ANKRD27: variants seen among roughly 807,000 people sequenced by gnomAD.
The protein encoded by ANKRD27 is ankyrin repeat domain-containing protein 27.
Under a neutral mutation model 129.7 loss-of-function variants are expected in ANKRD27, and 112 were observed. The observed-to-expected ratio is 0.86, with a 90% CI of 0.74 to 1.01. The LOEUF (loss-of-function observed/expected upper bound fraction) is 1.01, where lower values mean the gene tolerates loss of function less well. Among genes scored for constraint, ANKRD27 ranks in the 50% least tolerant of loss-of-function variants. ANKRD27 has a pLI of 0.00. For missense variants in ANKRD27, 1,258 were observed against 1,300.5 expected (o/e 0.97, Z 0.50); for synonymous variants, 516 against 511.2 (o/e 1.01, Z -0.13).
chr19:32,644,783 T>C (rs1423049582), intron 4 of ANKRD27, among the ~76,000 whole-genome samples: 4 of 152,346 alleles, frequency 2.6e-5, no homozygotes, highest in Middle Eastern at 3.4e-3. Flanking sequence ...TGAAGACTTA[T>C]TATTTATTAA....
chr19:32,652,744 AG>A (rs1263754329), intron 2 of ANKRD27, among the ~76,000 whole-genome samples: 1 of 151,832 alleles, frequency 6.6e-6, no homozygotes, highest in Non-Finnish European at 1.5e-5. Context: ...CCTGGGCGAC[AG>A]GGCAAAACCC....
At chr19:32,628,280 C>G in intron 14 of ANKRD27, 115 bp from the exon 15 acceptor site, 1 of 805,556 alleles carries the variant, frequency 1.2e-6, no homozygotes, top group Non-Finnish European at 2.0e-6. Flanking sequence ...GGATGCCACC[C>G]AAGAGATGTG....
At position 32,598,353 on chromosome 19, in the gene ANKRD27, C is replaced by T; in HGVS notation, c.2945G>A (p.Arg982Lys). The change falls in exon 29 of 29, where the codon AGA (arginine) becomes AAA (lysine). Residue 982 changes from arginine (R) to lysine (K), a missense_variant. Arg to Lys is a conservative substitution (Grantham distance 26). Coordinates refer to ENST00000306065, the MANE Select transcript of ANKRD27 (RefSeq NM_032139.3). The part of the protein sequence containing the change: ...HEPGRQSVTL[R>K]QNNLPAQSGS... ...ACTCTGAGCTGGCAGGTTATTCTGTCTCAGTGTGACACTTTGCCTCCCTGG... is the reference window on the plus strand; with the variant it reads ...ACTCTGAGCTGGCAGGTTATTCTGTTTCAGTGTGACACTTTGCCTCCCTGG... 2 of 1,614,198 alleles carry T rather than the reference C, an allele frequency of 1.2e-6. No individual in the cohort carries two copies. The highest frequency in any genetic ancestry group is 1.7e-6 in the Non-Finnish European group (2 of 1,180,046).
Position 32,605,937 on chromosome 19 carries a change from T to C in ANKRD27, c.2391A>G (p.Leu797=). ...QGHFQVVKCL[L]DSNAKPNKKD... ...TCTTATTGGGTTTTGCATTCGAATC[T>C]AACAGACACTTCACCACCTGGGCCA... is the stretch of plus-strand genomic sequence containing the variant. The change falls in exon 24 of 29, where the codon TTA becomes TTG. Residue 797 remains leucine (L), a synonymous_variant. Transcript: ENST00000306065. The C allele has an allele frequency of 1.9e-6, 3 of 1,613,854 alleles. No individual in the cohort carries two copies. The highest frequency in any genetic ancestry group is 2.5e-6 in the Non-Finnish European group (3 of 1,179,928).
At chr19:32,664,034 C>T (rs1474995758) in intron 1 of ANKRD27, among the ~76,000 whole-genome samples, 9 of 108,538 alleles carry the variant, frequency 8.3e-5, no homozygotes, top group East Asian at 7.8e-4. Flanking sequence ...CCAGCCTGGG[C>T]GACAGAGCGA....
At chr19:32,619,429 T>C (rs1435627066) in intron 19 of ANKRD27, 50 bp from the exon 20 acceptor site, 1 of 1,613,824 alleles carries the variant, frequency 6.2e-7, no homozygotes, top group Admixed American at 1.7e-5. Flanking sequence ...CAAGGACACG[T>C]GAGGACCAGA....
intron 26 of ANKRD27, 121 bp from the exon 27 acceptor site, chr19:32,600,171 T>A (rs1044655860): frequency 1.8e-5 from 13 of 741,332 alleles, no homozygotes; most frequent in Admixed American, 1.0e-4. Flanking sequence ...ACTGAAGCAC[T>A]GAATTTGCTT....
chr19:32,600,072 T>C (rs1261988504), intron 26 of ANKRD27, 22 bp from the exon 27 acceptor site: 48 of 1,511,382 alleles, frequency 3.2e-5, no homozygotes, highest in Non-Finnish European at 4.1e-5. Context: ...AAGATAAACA[T>C]CTAAAAACTT....
chr19:32,653,832 G>A (rs925102419), intron 2 of ANKRD27, among the ~76,000 whole-genome samples: 3 of 152,232 alleles, frequency 2.0e-5, no homozygotes, highest in South Asian at 2.1e-4. Flanking sequence ...GAGATGAGGC[G>A]GCCCAGCAGC....
At chr19:32,625,518 C>T (rs542729342) in intron 17 of ANKRD27, among the ~76,000 whole-genome samples, 2 of 151,730 alleles carry the variant, frequency 1.3e-5, no homozygotes, top group Non-Finnish European at 2.9e-5. Context: ...GCAACCTCCA[C>T]CTCCCAGGTT....
At chr19:32,608,162 C>CCCAG (rs1971777454) in intron 22 of ANKRD27, among the ~76,000 whole-genome samples, 1 of 139,136 alleles carries the variant, frequency 7.2e-6, no homozygotes, top group African/African-American at 2.7e-5. Context: ...AGCCATTGTG[C>CCCAG]CCAGCTAATT....
intron 22 of ANKRD27, among the ~76,000 whole-genome samples, chr19:32,609,979 C>T (rs1463004145): frequency 1.3e-5 from 2 of 151,028 alleles, no homozygotes; most frequent in African/African-American, 4.9e-5. Context: ...AGTTCGAAAC[C>T]AGCCTGGACA....
At chr19:32,608,526 C>A in intron 22 of ANKRD27, 1 of 201,818 alleles carries the variant, frequency 5.0e-6, no homozygotes, top group Non-Finnish European at 1.1e-5. Context: ...AAACTGTATG[C>A]TAAATTAAAG....
chr19:32,598,415 C>T, intron 28 of ANKRD27, 37 bp from the exon 29 acceptor site: 1 of 1,600,230 alleles, frequency 6.2e-7, no homozygotes, highest in Non-Finnish European at 8.6e-7. Context: ...TTGACGTCCT[C>T]ACTGTACTGG....
chr19:32,601,633 A>T (rs1971655911), intron 26 of ANKRD27, among the ~76,000 whole-genome samples: 1 of 150,620 alleles, frequency 6.6e-6, no homozygotes, highest in Admixed American at 6.6e-5. Flanking sequence ...AAAAAAAAAA[A>T]TCTTGAAAGG....
In ANKRD27 at chr19:32,619,531, T is replaced by C. The variant is rs2145274417; in HGVS notation, c.1850A>G (p.Tyr617Cys). Reference protein sequence around the residue: ...NSKILSVMEAYHLSFERRQKS... With the variant: ...NSKILSVMEACHLSFERRQKS... ...CTGCCTCCTCTCGAAGGACAGGTGA[T>C]AGGCTTCCATTACAGACAGAATCTA... is the stretch of plus-strand genomic sequence containing the variant. The change falls in exon 19 of 29, where the codon TAT becomes TGT. Residue 617 changes from tyrosine (Y) to cysteine (C), a missense_variant. Tyr to Cys is a radical substitution (Grantham distance 194). Coordinates refer to ENST00000306065, the MANE Select transcript of ANKRD27 (RefSeq NM_032139.3). 6.2e-7 allele frequency: 1 copy of C among 1,614,146 alleles called. No homozygotes were observed. Among genetic ancestry groups the C allele is most frequent in the Non-Finnish European group, 8.5e-7 (1 of 1,180,022 alleles).
chr19:32,599,353 T>C (rs1315307288), intron 28 of ANKRD27, among the ~76,000 whole-genome samples: 1 of 152,238 alleles, frequency 6.6e-6, no homozygotes, highest in Non-Finnish European at 1.5e-5. Flanking sequence ...TACACCATAC[T>C]TGGAGACATC....
chr19:32,670,048 T>C lies in ANKRD27; in HGVS notation c.-31+5023A>G, dbSNP rs192371078. On this transcript the variant is annotated intron_variant, in intron 1 of 28. Transcript: ENST00000306065. ...AAAAACGGCAGGGAAGGGGATGAAC[T>C]AGAGGATGGGAAAGTAGTAAGACTC... 7.3e-4 allele frequency among the ~76,000 whole-genome samples: 101 copies of C among 138,862 alleles called. 1 individual carries two copies. Among genetic ancestry groups the C allele is most frequent in the East Asian group, 2.9e-3 (14 of 4,756 alleles). 91.1% of individuals were successfully genotyped at this position (138,862 alleles called of 152,430 possible).
At chr19:32,625,734 A>G in intron 17 of ANKRD27, 140 bp downstream of exon 17, 5 of 684,994 alleles carry the variant, frequency 7.3e-6, no homozygotes, top group Non-Finnish European at 1.1e-5. Flanking sequence ...GCCTGGCCTA[A>G]CATTCTTTCA....
Sources: allele counts gnomAD v4.1 joint callset (sites outside exome capture counted in the v4.1 genomes callset), GRCh38; gene constraint gnomAD v4.1.1; transcripts MANE v1.5; gene names NCBI Gene and HGNC (gene_info 2026-07-23, HGNC 2026-07-21).